RBM43: variants seen among roughly 807,000 people sequenced by gnomAD.
RBM43 encodes the protein RNA binding motif protein 43, also known as RNA-binding protein 43.
In RBM43, 12 loss-of-function variants were observed where a neutral mutation model predicts 12.4. That is an observed-to-expected ratio of 0.97 (90% CI 0.62 to 1.57). The LOEUF (loss-of-function observed/expected upper bound fraction) is 1.57, where lower values mean the gene tolerates loss of function less well. Among genes scored for constraint, RBM43 ranks in the 40% most tolerant of loss-of-function variants. RBM43 has a pLI of 0.00. For synonymous variants in RBM43, 138 were observed against 145.7 expected (o/e 0.95, Z 0.38); for missense variants, 348 against 400.1 (o/e 0.87, Z 1.11).
Position 151,252,094 on chromosome 2 carries a change from T to C in RBM43, c.316-430A>G, listed in dbSNP as rs111746747. ...AACCATTGCTTTGGATTTTAACTTTTTCCTCTTTTTCTTACTTTCTGTCTC... is the reference window on the plus strand; with the variant it reads ...AACCATTGCTTTGGATTTTAACTTTCTCCTCTTTTTCTTACTTTCTGTCTC... On this transcript the variant is annotated intron_variant, in intron 3 of 3. Transcript: ENST00000331426. 1.6e-3 allele frequency among the ~76,000 whole-genome samples: 242 copies of C among 152,332 alleles called. 1 individual carries two copies. The highest frequency in any genetic ancestry group is 3.9e-3 in the Admixed American group (59 of 15,298).
At chr2:151,260,152 G>A (rs1179691550) in intron 1 of RBM43, among the ~76,000 whole-genome samples, 1 of 147,844 alleles carries the variant, frequency 6.8e-6, no homozygotes, top group Non-Finnish European at 1.5e-5. Context: ...TTTAGACAGC[G>A]CCTCGCTCTG....
chr2:151,258,549 T>C (rs1044709202), intron 1 of RBM43, among the ~76,000 whole-genome samples: 2 of 150,606 alleles, frequency 1.3e-5, no homozygotes, highest in Non-Finnish European at 3.0e-5. Context: ...CAGAAAAAAT[T>C]AGCCGGGTGT....
chr2:151,253,929 T>G (rs1380257086), intron 2 of RBM43, among the ~76,000 whole-genome samples: 1 of 152,164 alleles, frequency 6.6e-6, no homozygotes, highest in Non-Finnish European at 1.5e-5. Context: ...TCTGTATGAA[T>G]TATTCCCTTG....
rs34911765 is a variant in RBM43, at chr2:151,250,598, CAA to C, written c.*306_*307del. The C allele has an allele frequency of 6.1e-4, 75 of 123,226 alleles. No homozygotes were observed. Among genetic ancestry groups the C allele is most frequent in the South Asian group, 3.0e-3 (11 of 3,682 alleles). The allele number at this position is 123,226 out of a possible 1,614,324, so 7.6% of individuals were successfully genotyped here. A position where few individuals can be genotyped will look rare whatever the true frequency, so the allele number is the denominator to read the frequency against. On this transcript the variant is annotated 3_prime_UTR_variant, in exon 4 of 4. Coordinates refer to ENST00000331426, the MANE Select transcript of RBM43 (RefSeq NM_198557.3). The stretch of plus-strand genomic sequence containing the variant: ...TGGACAACAGAGCGAGACTCCATCT[CAA>C]AAAAAAAAAAAAAAAAGTTTGGTGA...
intron 1 of RBM43, chr2:151,261,395 G>C: frequency 1.9e-6 from 3 of 1,550,628 alleles, no homozygotes; most frequent in Non-Finnish European, 2.6e-6. Flanking sequence ...ACGAACGGCG[G>C]CGTCCCCGTC....
In RBM43 at chr2:151,248,590, A is replaced by G. The variant is rs1282645399; in HGVS notation, c.*2316T>C. ...ATTTTTTTTTAGCCTCAAGATATCA[A>G]TGAAATATGCATATCTTATTTGGAG... is the stretch of plus-strand genomic sequence containing the variant. On this transcript the variant is annotated 3_prime_UTR_variant, in exon 4 of 4. Coordinates refer to ENST00000331426, the MANE Select transcript of RBM43 (RefSeq NM_198557.3). The G allele has an allele frequency of 6.6e-6, 1 of 152,158 alleles. No homozygotes were observed. The highest frequency in any genetic ancestry group is 1.5e-5 in the Non-Finnish European group (1 of 68,030). The allele number at this position is 152,158 out of a possible 1,614,324, so 9.4% of individuals were successfully genotyped here. A position where few individuals can be genotyped will look rare whatever the true frequency, so the allele number is the denominator to read the frequency against.
chr2:151,256,118 C>T (rs1682970162), intron 1 of RBM43, among the ~76,000 whole-genome samples: 2 of 152,074 alleles, frequency 1.3e-5, no homozygotes, highest in South Asian at 4.1e-4. Context: ...CCCACCACCA[C>T]ACCCAGCTAA....
At chr2:151,252,246 G>C (rs1209719583) in intron 3 of RBM43, among the ~76,000 whole-genome samples, 1 of 152,116 alleles carries the variant, frequency 6.6e-6, no homozygotes, top group Admixed American at 6.6e-5. Flanking sequence ...AGTGAGGCTG[G>C]GCGTGGTGGC....
At chr2:151,251,849 T>C (rs1358791785) in intron 3 of RBM43, among the ~76,000 whole-genome samples, 185 bp from the exon 4 acceptor site, 1 of 152,196 alleles carries the variant, frequency 6.6e-6, no homozygotes, top group African/African-American at 2.4e-5. Flanking sequence ...TTTTGTTCAA[T>C]TTGGGATTCA....
chr2:151,253,170 T>C (rs185006855), intron 2 of RBM43, among the ~76,000 whole-genome samples: 475 of 152,306 alleles, frequency 3.1e-3, no homozygotes, highest in Non-Finnish European at 5.3e-3. Context: ...ATCCAAGATA[T>C]CATACTGTTC....
chr2:151,257,361 T>C (rs1226171223), intron 1 of RBM43, among the ~76,000 whole-genome samples: 3 of 152,032 alleles, frequency 2.0e-5, no homozygotes, highest in Admixed American at 6.6e-5. Context: ...CAGTGTCCTG[T>C]CCATCCCAAG....
At chr2:151,257,094 T>C (rs1682984433) in intron 1 of RBM43, among the ~76,000 whole-genome samples, 1 of 152,196 alleles carries the variant, frequency 6.6e-6, no homozygotes, top group South Asian at 2.1e-4. Context: ...TATAAGCTTC[T>C]CCCAATTTTT....
In RBM43 at chr2:151,251,503, G is replaced by C; in HGVS notation, c.477C>G (p.Val159=). Residue 159 remains valine, a synonymous_variant, in exon 4 of 4, where the codon GTC becomes GTG. Transcript: ENST00000331426. ...CTAGCAAAGATTCTCTGAGCCTCTT[G>C]ACAGCCAGAAATGATCCTTCCACGG... ...RISVEGSFLA[V]KRLRESLLAR... is the part of the protein sequence containing the mutation. 1 of 1,614,132 alleles carries C rather than the reference G, an allele frequency of 6.2e-7. No homozygotes were observed. Among genetic ancestry groups the C allele is most frequent in the Non-Finnish European group, 8.5e-7 (1 of 1,180,028 alleles).
chr2:151,251,450 T>A lies in RBM43; in HGVS notation c.530A>T (p.Asp177Val), dbSNP rs760419887. 6 of 1,614,082 alleles carry A rather than the reference T, an allele frequency of 3.7e-6. No homozygotes were observed. In the African/African-American group the frequency reaches 8.0e-5, roughly 22 times the overall value. ...LARACSLLEKDRNFTSEERKW... is the reference protein window; with the variant it reads ...LARACSLLEKVRNFTSEERKW... ...TCTCTCCTCACTGGTAAAATTTCTG[T>A]CTTTTTCTAAGAGAGAACATGCTCT... is the stretch of plus-strand genomic sequence containing the variant. Residue 177 changes from aspartate to valine, a missense_variant, in exon 4 of 4, where the codon GAC becomes GTC. By Grantham distance (152) the Asp-to-Val change is radical (BLOSUM62 -3). Coordinates refer to ENST00000331426, the MANE Select transcript of RBM43 (RefSeq NM_198557.3).
intron 3 of RBM43, among the ~76,000 whole-genome samples, chr2:151,252,539 A>G (rs1007800272): frequency 3.3e-5 from 5 of 152,190 alleles, no homozygotes; most frequent in Admixed American, 3.3e-4. Context: ...TTGTAAAATA[A>G]AACATTAAGT....
At chr2:151,256,860 G>A (rs1682982307) in intron 1 of RBM43, among the ~76,000 whole-genome samples, 1 of 152,126 alleles carries the variant, frequency 6.6e-6, no homozygotes, top group Non-Finnish European at 1.5e-5. Flanking sequence ...GCAAGAACAT[G>A]GGGACTGCAG....
chr2:151,256,373 T>G (rs1390405957), intron 1 of RBM43, among the ~76,000 whole-genome samples: 1 of 152,194 alleles, frequency 6.6e-6, no homozygotes, highest in African/African-American at 2.4e-5. Flanking sequence ...ATTTAAAAAT[T>G]TATTAATTAA....
chr2:151,250,947 T>G lies in RBM43; in HGVS notation c.1033A>C (p.Lys345Gln). 6.2e-7 allele frequency: 1 copy of G among 1,600,296 alleles called. No homozygotes were observed. Among genetic ancestry groups the G allele is most frequent in the South Asian group, 1.1e-5 (1 of 88,284 alleles). ...CCTATTAATTTCATGACCCCTTTTT[T>G]AAACAGGTAAGTGTCAGAAGAAGAT... is the stretch of plus-strand genomic sequence containing the variant. ...IGSSSDTYLF[K>Q]KGVMKLIGQK... The change falls in exon 4 of 4, where the codon AAA (lysine) becomes CAA (glutamine). Residue 345 changes from lysine (K) to glutamine (Q), a missense_variant. By Grantham distance (53) the Lys-to-Gln change is moderately conservative. Transcript: ENST00000331426.
chr2:151,259,646 AT>A (rs1358142481), intron 1 of RBM43, among the ~76,000 whole-genome samples: 17 of 152,128 alleles, frequency 1.1e-4, no homozygotes, highest in African/African-American at 4.1e-4. Flanking sequence ...CTCAAAAAAA[AT>A]AAAAATAAAA....
Sources: allele counts gnomAD v4.1 joint callset (sites outside exome capture counted in the v4.1 genomes callset), GRCh38; gene constraint gnomAD v4.1.1; transcripts MANE v1.5; gene names NCBI Gene and HGNC (gene_info 2026-07-23, HGNC 2026-07-21).